Variants in CNTNAP2 observed in about 807,000 individuals in gnomAD.
The protein encoded by CNTNAP2 is contactin associated protein 2, also known as contactin-associated protein-like 2.
CNTNAP2 carries 98 observed loss-of-function variants against 155.2 expected under a neutral mutation model. That is an observed-to-expected ratio of 0.63 (90% CI 0.54 to 0.75). The LOEUF is 0.75. Ranked by LOEUF, CNTNAP2 falls within the 30% of genes least tolerant of loss-of-function variation. The pLI is 0.00. For missense variants in CNTNAP2, 1,727 were observed against 1,688.1 expected (o/e 1.02, Z -0.40); for synonymous variants, 651 against 631.2 (o/e 1.03, Z -0.47).
intron 11 of CNTNAP2, among the ~76,000 whole-genome samples, chr7:147,487,139 A>C (rs975789555): frequency 6.6e-6 from 1 of 152,192 alleles, no homozygotes; most frequent in African/African-American, 2.4e-5. Context: ...ATGTGCAAGA[A>C]GAAATCGTGT....
At chr7:147,092,902 C>CT (rs1242989331) in intron 4 of CNTNAP2, among the ~76,000 whole-genome samples, 1 of 152,024 alleles carries the variant, frequency 6.6e-6, no homozygotes, top group Non-Finnish European at 1.5e-5. Context: ...GTTGCATGTA[C>CT]TAAATGGCAC....
At chr7:147,167,444 T>C (rs978833917) in intron 8 of CNTNAP2, 83 of 1,324,570 alleles carry the variant, frequency 6.3e-5, no homozygotes, top group Non-Finnish European at 8.6e-5. Flanking sequence ...TTGGAGACCC[T>C]AACTTGGAGT....
At chr7:146,940,533 G>C (rs927223754) in intron 3 of CNTNAP2, among the ~76,000 whole-genome samples, 1 of 152,008 alleles carries the variant, frequency 6.6e-6, no homozygotes, top group African/African-American at 2.4e-5. Flanking sequence ...GAGTGTGGAA[G>C]GTCTTAATAA....
intron 4 of CNTNAP2, among the ~76,000 whole-genome samples, chr7:147,066,859 T>A (rs910964618): frequency 6.6e-6 from 1 of 152,148 alleles, no homozygotes; most frequent in Non-Finnish European, 1.5e-5. Context: ...TTTCTTATAG[T>A]TTTGGGGACT....
intron 14 of CNTNAP2, among the ~76,000 whole-genome samples, chr7:147,967,894 A>G (rs1202995188): frequency 6.6e-6 from 1 of 152,116 alleles, no homozygotes; most frequent in Non-Finnish European, 1.5e-5. Flanking sequence ...AATAAGCCCC[A>G]ATTACAGAAA....
chr7:148,030,457 G>C (rs941321418), intron 15 of CNTNAP2, among the ~76,000 whole-genome samples: 3 of 152,200 alleles, frequency 2.0e-5, no homozygotes, highest in African/African-American at 7.2e-5. Flanking sequence ...ATCTACCAAT[G>C]GGGACTACTG....
intron 21 of CNTNAP2, among the ~76,000 whole-genome samples, chr7:148,356,629 T>A (rs955328098): frequency 1.3e-5 from 2 of 152,216 alleles, no homozygotes; most frequent in African/African-American, 4.8e-5. Context: ...ATTCTCCTGA[T>A]GTATTTTCCT....
intron 8 of CNTNAP2, among the ~76,000 whole-genome samples, chr7:147,201,727 T>C (rs1279630597): frequency 2.0e-5 from 3 of 152,208 alleles, no homozygotes; most frequent in Non-Finnish European, 2.9e-5. Context: ...GGCAGGGTGA[T>C]AGAAATCAGT....
intron 11 of CNTNAP2, among the ~76,000 whole-genome samples, chr7:147,548,119 C>T (rs184850068): frequency 1.0e-3 from 158 of 152,144 alleles, no homozygotes; most frequent in African/African-American, 3.4e-3. Context: ...GGGTATGTAC[C>T]CAGTAATGGG....
At position 147,301,614 on chromosome 7, in the gene CNTNAP2, G is replaced by C. The variant is rs940820570; in HGVS notation, c.1498+1324G>C. ...TCTCTGTGTGTGTGTGTGTGTGTGT[G>C]TGTGTGTGTGTGTGTGTGTGTGTGT... On this transcript the variant is annotated intron_variant, in intron 9 of 23. Transcript: ENST00000361727. 1.6e-3 allele frequency among the ~76,000 whole-genome samples: 221 copies of C among 139,844 alleles called. 4 individuals carry two copies. Among genetic ancestry groups the C allele is most frequent in the East Asian group, 9.6e-3 (48 of 5,026 alleles). 91.7% of individuals were successfully genotyped at this position (139,844 alleles called of 152,430 possible). A position where few individuals can be genotyped will look rare whatever the true frequency, so the allele number is the denominator to read the frequency against.
At chr7:148,356,665 T>A (rs1371428495) in intron 21 of CNTNAP2, among the ~76,000 whole-genome samples, 1 of 152,160 alleles carries the variant, frequency 6.6e-6, no homozygotes, top group Non-Finnish European at 1.5e-5. Flanking sequence ...TTCCTTCTAT[T>A]TGCCAAACAT....
intron 14 of CNTNAP2, among the ~76,000 whole-genome samples, chr7:147,928,306 T>C (rs967031966): frequency 1.3e-5 from 2 of 152,134 alleles, no homozygotes; most frequent in African/African-American, 4.8e-5. Context: ...TAAACCTCAA[T>C]TTCTCAAAGT....
chr7:147,112,826 GT>G (rs1800908784), intron 5 of CNTNAP2, among the ~76,000 whole-genome samples: 1 of 151,440 alleles, frequency 6.6e-6, no homozygotes, highest in Non-Finnish European at 1.5e-5. Flanking sequence ...TTTGCCCGAA[GT>G]TTTGTTGTTG....
At chr7:146,478,989 T>C (rs1796920726) in intron 1 of CNTNAP2, among the ~76,000 whole-genome samples, 1 of 152,136 alleles carries the variant, frequency 6.6e-6, no homozygotes, top group Admixed American at 6.6e-5. Context: ...AAACAATACT[T>C]TTAAAATTGC....
At chr7:148,289,538 A>G (rs1181701675) in intron 21 of CNTNAP2, among the ~76,000 whole-genome samples, 4 of 151,332 alleles carry the variant, frequency 2.6e-5, no homozygotes, top group African/African-American at 9.7e-5. Context: ...CCTGTGTCCA[A>G]GAAGCAAAAT....
chr7:148,405,175 A>G (rs991716890), intron 22 of CNTNAP2, among the ~76,000 whole-genome samples: 1 of 152,136 alleles, frequency 6.6e-6, no homozygotes, highest in Non-Finnish European at 1.5e-5. Flanking sequence ...TATACCTAGA[A>G]TGTTGAGTTG....
intron 4 of CNTNAP2, among the ~76,000 whole-genome samples, chr7:147,047,812 A>G (rs1438310929): frequency 6.6e-6 from 1 of 152,166 alleles, no homozygotes; most frequent in African/African-American, 2.4e-5. Flanking sequence ...GCAAATCAGG[A>G]AGCGAGACTT....
intron 1 of CNTNAP2, among the ~76,000 whole-genome samples, chr7:146,639,551 C>T (rs1342302345): frequency 6.6e-6 from 1 of 152,220 alleles, no homozygotes; most frequent in Non-Finnish European, 1.5e-5. Context: ...TTACCTCTCA[C>T]TACCATTTAC....
At chr7:146,240,381 A>G (rs1319620580) in intron 1 of CNTNAP2, among the ~76,000 whole-genome samples, 2 of 152,146 alleles carry the variant, frequency 1.3e-5, no homozygotes, top group East Asian at 3.8e-4. Context: ...GCTAGGTCTA[A>G]TATAGAAAAA....
Sources: gnomAD v4.1 joint callset for allele counts (sites outside exome capture counted in the v4.1 genomes callset) on GRCh38, gnomAD v4.1.1 for gene constraint, MANE v1.5 for transcripts, NCBI Gene and HGNC (gene_info 2026-07-23, HGNC 2026-07-21) for gene names.